The following PADI6 variants were observed in gnomAD, a reference collection of about 807,000 sequenced individuals.
The protein encoded by PADI6 is inactive protein-arginine deiminase type-6.
A neutral mutation model predicts 78.2 loss-of-function variants in PADI6; 66 were observed. The ratio of observed to expected loss-of-function variants is 0.84; its 90% CI spans 0.69 to 1.04. The LOEUF (loss-of-function observed/expected upper bound fraction) is 1.04. Among genes scored for constraint, PADI6 ranks in the 50% least tolerant of loss-of-function variants. The pLI is 0.00. For missense variants in PADI6, 854 were observed against 866.1 expected, an observed-to-expected ratio of 0.99 and a Z score of 0.18; for synonymous variants, 397 against 346.9, an observed-to-expected ratio of 1.14 and a Z score of -1.60.
intron 9 of PADI6, among the ~76,000 whole-genome samples, chr1:17,392,935 G>C (rs960529933): frequency 3.9e-5 from 6 of 152,132 alleles, no homozygotes; most frequent in Admixed American, 1.3e-4. Context: ...CTTGAGGTCA[G>C]GAGTTTTAAA....
At chr1:17,389,953 A>G (rs953452742) in intron 8 of PADI6, among the ~76,000 whole-genome samples, 1 of 152,278 alleles carries the variant, frequency 6.6e-6, no homozygotes, top group East Asian at 1.9e-4. Context: ...TTTTTAAGGT[A>G]GGAGGCAAAG....
intron 6 of PADI6, among the ~76,000 whole-genome samples, chr1:17,385,631 T>G (rs1311435836): frequency 1.3e-5 from 2 of 152,032 alleles, no homozygotes; most frequent in Non-Finnish European, 2.9e-5. Context: ...CGAAGAGAGA[T>G]CAAAATGTCT....
rs549513655 is a variant in PADI6, at chr1:17,384,966, A to G, written c.679+2874A>G. 5.2e-4 allele frequency among the ~76,000 whole-genome samples: 79 copies of G among 152,256 alleles called. 1 individual carries two copies. The highest frequency in any genetic ancestry group is 1.9e-3 in the South Asian group (9 of 4,832). ...CGAGCGTGTCTGAAGCTGGTAGTAC[A>G]CGGGCAGATGTATAGATGGAACTGA... On this transcript the variant is annotated intron_variant, in intron 6 of 15. Coordinates refer to ENST00000619609, the MANE Select transcript of PADI6 (RefSeq NM_207421.4).
chr1:17,393,473 C>CA (rs1268903250), intron 9 of PADI6, among the ~76,000 whole-genome samples: 1 of 152,148 alleles, frequency 6.6e-6, no homozygotes, highest in African/African-American at 2.4e-5. Flanking sequence ...GAATGTAAGC[C>CA]AGTAAGGCTT....
chr1:17,376,491 ATTTTTT>A (rs35174721), intron 3 of PADI6, among the ~76,000 whole-genome samples: 1 of 148,394 alleles, frequency 6.7e-6, no homozygotes, highest in African/African-American at 2.5e-5. Context: ...TAGTGGGCTA[ATTTTTT>A]TTATTTTTAG....
intron 6 of PADI6, among the ~76,000 whole-genome samples, chr1:17,382,672 T>C (rs2075084440): frequency 6.6e-6 from 1 of 152,174 alleles, no homozygotes; most frequent in African/African-American, 2.4e-5. Flanking sequence ...AAAACAGCCT[T>C]GCACATCTTT....
chr1:17,382,029 T>TA lies in PADI6; in HGVS notation c.617dup (p.Tyr206Ter), dbSNP rs769663751. ...VQGPSCILKK[Y>*]RLVLHTSKEE... ...AGGCCCCAGCTGTATCTTAAAGAAA[T>TA]ATCGGCTAGTCCTCCATACCTCCAA... The change falls in exon 6 of 16, where the codon TAT becomes TAAT. Residue 206 changes from tyrosine to a stop codon, truncating the protein, a stop_gained and frameshift_variant. Coordinates refer to ENST00000619609, the MANE Select transcript of PADI6 (RefSeq NM_207421.4). LOFTEE classifies it high-confidence loss of function. The TA allele has an allele frequency of 8.1e-6, 13 of 1,613,804 alleles. No homozygotes were observed. In the South Asian group the frequency reaches 1.4e-4, roughly 18 times the overall value.
Position 17,388,809 on chromosome 1 carries a change from G to T in PADI6, c.891G>T (p.Thr297=), listed in dbSNP as rs538604274. 6.2e-7 allele frequency: 1 copy of T among 1,613,768 alleles called. No individual in the cohort carries two copies. Residue 297 remains threonine (T), a synonymous_variant, in exon 8 of 16, where the codon ACG becomes ACT. Transcript: ENST00000619609. ...SIPETVLYKD[T]VVFRVAPCVF... ...CAGAGACTGTGCTGTACAAAGACAC[G>T]GTGGTGTTCCGGGTGGCTCCCTGTG...
chr1:17,379,828 AG>A, intron 3 of PADI6, 91 bp from the exon 4 acceptor site: 1 of 1,117,190 alleles, frequency 9.0e-7, no homozygotes, highest in Non-Finnish European at 1.3e-6. Context: ...CCCTGATGCC[AG>A]CCTTGGGCAG....
chr1:17,372,425 C>A, intron 1 of PADI6, 64 bp downstream of exon 1: 1 of 1,452,496 alleles, frequency 6.9e-7, no homozygotes, highest in Non-Finnish European at 9.7e-7. Flanking sequence ...GGGACCCAGT[C>A]CCCTTGATCT....
At position 17,381,139 on chromosome 1, in the gene PADI6, A is replaced by G. The variant is rs759266536; in HGVS notation, c.528A>G (p.Lys176=). Residue 176 remains lysine, a synonymous_variant, in exon 5 of 16, where the codon AAA becomes AAG. Transcript: ENST00000619609. ...TGGGCCAGCAACTTGAGGACAAGAAAACCAAGAAAGTGATCTTTTCAGAGG... is the reference window on the plus strand; with the variant it reads ...TGGGCCAGCAACTTGAGGACAAGAAGACCAAGAAAGTGATCTTTTCAGAGG... ...ADVGQQLEDK[K]TKKVIFSEEI... is the part of the protein sequence containing the mutation. 6.2e-7 allele frequency: 1 copy of G among 1,607,806 alleles called. No homozygotes were observed. Among genetic ancestry groups the G allele is most frequent in the Non-Finnish European group, 8.5e-7 (1 of 1,177,250 alleles).
intron 9 of PADI6, among the ~76,000 whole-genome samples, chr1:17,393,109 A>G (rs10888032): frequency 0.6 from 91,174 of 151,790 alleles, 27,634 homozygotes; most frequent in South Asian, 0.67. Context: ...TCACGCCACT[A>G]CACTCCAGCC....
intron 6 of PADI6, among the ~76,000 whole-genome samples, chr1:17,385,565 C>T (rs2075111726): frequency 6.6e-6 from 1 of 151,964 alleles, no homozygotes; most frequent in African/African-American, 2.4e-5. Context: ...GGGTTATGAT[C>T]ATTGTAATGG....
chr1:17,392,547 G>A (rs963901761), intron 9 of PADI6, among the ~76,000 whole-genome samples: 18 of 152,142 alleles, frequency 1.2e-4, no homozygotes, highest in East Asian at 3.9e-4. Context: ...CTGGGGTCCC[G>A]CCTGACTCTG....
chr1:17,393,810 A>T (rs954184847), intron 9 of PADI6, among the ~76,000 whole-genome samples, 165 bp from the exon 10 acceptor site: 7 of 152,094 alleles, frequency 4.6e-5, no homozygotes, highest in Admixed American at 3.9e-4. Flanking sequence ...AGAGTAGGGG[A>T]GAGAGGGATC....
chr1:17,378,342 C>T (rs1187775237), intron 3 of PADI6, among the ~76,000 whole-genome samples: 1 of 152,122 alleles, frequency 6.6e-6, no homozygotes, highest in Non-Finnish European at 1.5e-5. Flanking sequence ...CTGGGGCAGC[C>T]CAGTTCGCAG....
Position 17,398,802 on chromosome 1 carries a change from C to T in PADI6, c.1806C>T (p.Asp602=). ...AGAAGCTGACTAACATCCCCTCTGACCAGCAGCCCAAGAGGTCCTTTGCGA... is the reference window on the plus strand; with the variant it reads ...AGAAGCTGACTAACATCCCCTCTGATCAGCAGCCCAAGAGGTCCTTTGCGA... ...CLEKLTNIPS[D]QQPKRSFARP... The change falls in exon 15 of 16, where the codon GAC becomes GAT. Residue 602 remains aspartate (D), a synonymous_variant. Transcript: ENST00000619609. The T allele has an allele frequency of 6.2e-7, 1 of 1,613,420 alleles. No homozygotes were observed. The highest frequency in any genetic ancestry group is 8.5e-7 in the Non-Finnish European group (1 of 1,179,798).
chr1:17,391,151 C>T (rs1459874276), intron 8 of PADI6, among the ~76,000 whole-genome samples: 1 of 152,206 alleles, frequency 6.6e-6, no homozygotes, highest in Non-Finnish European at 1.5e-5. Flanking sequence ...ATTTCAATAT[C>T]TCCCAATATT....
intron 13 of PADI6, among the ~76,000 whole-genome samples, chr1:17,395,921 A>G (rs2075242358): frequency 6.6e-6 from 1 of 152,212 alleles, no homozygotes; most frequent in Admixed American, 6.5e-5. Flanking sequence ...AGGTGGCCCC[A>G]AGTGGGGGGA....
Sources: gnomAD v4.1 joint callset for allele counts (sites outside exome capture counted in the v4.1 genomes callset) on GRCh38, gnomAD v4.1.1 for gene constraint, MANE v1.5 for transcripts, NCBI Gene and HGNC (gene_info 2026-07-23, HGNC 2026-07-21) for gene names.